The following IKZF3 variants were observed in gnomAD, a reference collection of about 807,000 sequenced individuals.
IKZF3 encodes the protein zinc finger protein Aiolos.
Under a neutral mutation model 49.0 loss-of-function variants are expected in IKZF3, and 10 were observed. The observed-to-expected ratio is 0.20, with a 90% CI of 0.13 to 0.35. The LOEUF is 0.35. Ranked by LOEUF, IKZF3 falls within the 10% of genes least tolerant of loss-of-function variation. The pLI, the probability that IKZF3 is intolerant of heterozygous loss-of-function variation, is 1.00. For synonymous variants in IKZF3, 209 were observed against 228.2 expected (o/e 0.92, Z 0.76); for missense variants, 498 against 664.8 (o/e 0.75, Z 2.76).
chr17:39,781,993 C>G (rs1048134401), intron 6 of IKZF3, among the ~76,000 whole-genome samples: 2 of 152,184 alleles, frequency 1.3e-5, no homozygotes, highest in Non-Finnish European at 2.9e-5. Context: ...ATCTAGAGGA[C>G]TCCTGTTCAC....
intron 6 of IKZF3, among the ~76,000 whole-genome samples, chr17:39,785,578 G>A (rs941874258): frequency 1.3e-5 from 2 of 152,074 alleles, no homozygotes; most frequent in African/African-American, 4.8e-5. Context: ...GGGAAGTAAG[G>A]TGGTGACCTT....
chr17:39,828,835 TA>T (rs908258753), intron 3 of IKZF3, among the ~76,000 whole-genome samples: 4 of 151,500 alleles, frequency 2.6e-5, no homozygotes, highest in African/African-American at 9.7e-5. Context: ...CCGTCTCTAT[TA>T]AAAAAAATAC....
At chr17:39,779,339 G>A (rs1039413577) in intron 6 of IKZF3, among the ~76,000 whole-genome samples, 1 of 152,124 alleles carries the variant, frequency 6.6e-6, no homozygotes, top group African/African-American at 2.4e-5. Context: ...GCGAATGCCT[G>A]TAATCTTAGC....
chr17:39,804,223 G>A (rs2061386414), intron 3 of IKZF3, among the ~76,000 whole-genome samples: 1 of 152,174 alleles, frequency 6.6e-6, no homozygotes, highest in Admixed American at 6.5e-5. Context: ...AAGGCGGGCA[G>A]ATTATTTGAG....
intron 1 of IKZF3, among the ~76,000 whole-genome samples, chr17:39,840,599 T>A (rs1173194833): frequency 1.3e-5 from 2 of 152,244 alleles, no homozygotes; most frequent in Non-Finnish European, 2.9e-5. Flanking sequence ...AATCAGGTCA[T>A]ATTCCAATTT....
intron 1 of IKZF3, among the ~76,000 whole-genome samples, chr17:39,842,164 C>T (rs2144409270): frequency 6.6e-6 from 1 of 151,768 alleles, no homozygotes; most frequent in Admixed American, 6.6e-5. Context: ...ACAATAGCGT[C>T]TAGATATTAA....
intron 7 of IKZF3, among the ~76,000 whole-genome samples, chr17:39,769,957 A>C (rs988586582): frequency 1.3e-5 from 2 of 152,200 alleles, no homozygotes; most frequent in Non-Finnish European, 2.9e-5. Context: ...GAAATATGTG[A>C]CTGAATTCTG....
intron 5 of IKZF3, among the ~76,000 whole-genome samples, chr17:39,789,960 CT>C (rs1400933190): frequency 5.3e-5 from 8 of 151,124 alleles, no homozygotes; most frequent in Admixed American, 5.3e-4. Context: ...GTCTAAATGT[CT>C]AAGATGAAGG....
chr17:39,787,619 C>T (rs2060904027), intron 6 of IKZF3, among the ~76,000 whole-genome samples: 1 of 152,182 alleles, frequency 6.6e-6, no homozygotes, highest in Admixed American at 6.5e-5. Flanking sequence ...ATACTTCTCA[C>T]CACCTCTACC....
intron 7 of IKZF3, among the ~76,000 whole-genome samples, chr17:39,776,363 T>C (rs1450587269): frequency 6.6e-6 from 1 of 152,216 alleles, no homozygotes; most frequent in African/African-American, 2.4e-5. Context: ...CCAAAAGATA[T>C]ATGGGAATAT....
At chr17:39,771,008 T>C (rs2060425979) in intron 7 of IKZF3, among the ~76,000 whole-genome samples, 1 of 152,180 alleles carries the variant, frequency 6.6e-6, no homozygotes, top group African/African-American at 2.4e-5. Flanking sequence ...TGAATTATCA[T>C]CTCTTAGATG....
chr17:39,855,832 A>G (rs1036011640), intron 1 of IKZF3, among the ~76,000 whole-genome samples: 1 of 152,168 alleles, frequency 6.6e-6, no homozygotes, highest in Non-Finnish European at 1.5e-5. Context: ...TTGAATCACA[A>G]AAATATTTAA....
rs767208696 is a variant in IKZF3 at position 39,766,074 on chromosome 17, G to A, written c.1246C>T (p.Pro416Ser). Residue 416 changes from proline to serine, a missense_variant, in exon 8 of 8, where the codon CCA (proline) becomes TCA (serine). Pro to Ser is a moderately conservative substitution (Grantham distance 74). Around this residue, in one of 3 missense-constraint regions of IKZF3, gnomAD observed 317 missense variants for 397.3 expected, o/e 0.80. Transcript: ENST00000346872. Reference protein sequence around the residue: ...MVLSRARNGMPLLKEVPRSYE... With the variant: ...MVLSRARNGMSLLKEVPRSYE... Reference sequence around the variant, plus strand: ...GAGCGGGGAACCTCCTTCAGAAGTGGCATCCCATTGCGGGCCCGAGACAGG... The same window carrying A: ...GAGCGGGGAACCTCCTTCAGAAGTGACATCCCATTGCGGGCCCGAGACAGG... 1 of 1,614,178 alleles carries A rather than the reference G, an allele frequency of 6.2e-7. No individual in the cohort carries two copies. The highest frequency in any genetic ancestry group is 1.1e-5 in the South Asian group (1 of 91,082).
chr17:39,815,028 G>A (rs780379736), intron 3 of IKZF3, among the ~76,000 whole-genome samples: 1 of 152,168 alleles, frequency 6.6e-6, no homozygotes, highest in Non-Finnish European at 1.5e-5. Context: ...GATAGTGGAT[G>A]ATGGGGGCTG....
intron 1 of IKZF3, among the ~76,000 whole-genome samples, chr17:39,858,090 G>A (rs1275089234): frequency 6.6e-6 from 1 of 152,076 alleles, no homozygotes; most frequent in Non-Finnish European, 1.5e-5. Flanking sequence ...AGATAATTCA[G>A]AGTAGAAAAA....
chr17:39,846,807 A>G (rs2062646155), intron 1 of IKZF3, among the ~76,000 whole-genome samples: 2 of 152,026 alleles, frequency 1.3e-5, no homozygotes, highest in African/African-American at 4.8e-5. Context: ...TTTTCCTCTT[A>G]ATTTCAGAGA....
intron 1 of IKZF3, among the ~76,000 whole-genome samples, chr17:39,861,677 T>C (rs2063217399): frequency 6.6e-6 from 1 of 152,142 alleles, no homozygotes; most frequent in African/African-American, 2.4e-5. Flanking sequence ...AACAAAACCC[T>C]ACTACCACAA....
At chr17:39,859,136 T>TA (rs1008239323) in intron 1 of IKZF3, among the ~76,000 whole-genome samples, 40 of 147,578 alleles carry the variant, frequency 2.7e-4, no homozygotes, top group Non-Finnish European at 3.2e-4. Context: ...ACTTTTTAAT[T>TA]AAAAAAAAAA....
chr17:39,788,666 T>C (rs2060932568), intron 5 of IKZF3, among the ~76,000 whole-genome samples: 2 of 152,200 alleles, frequency 1.3e-5, no homozygotes, highest in Non-Finnish European at 2.9e-5. Context: ...TCAAATTTTG[T>C]TTTCTTTGGG....
Sources: allele counts gnomAD v4.1 joint callset (sites outside exome capture counted in the v4.1 genomes callset), GRCh38; gene constraint gnomAD v4.1.1; regional missense constraint gnomAD v4.1.1; transcripts MANE v1.5; gene names NCBI Gene and HGNC (gene_info 2026-07-23, HGNC 2026-07-21).